Variants in STAU2 observed in about 807,000 individuals in gnomAD.
STAU2 encodes the protein staufen double-stranded RNA binding protein 2.
A neutral mutation model predicts 65.9 loss-of-function variants in STAU2; 20 were observed. The observed-to-expected ratio is 0.30, with a 90% CI of 0.21 to 0.44. The LOEUF is 0.44. STAU2 is among the 20% of genes least tolerant of loss of function. The pLI is 1.00. For missense variants in STAU2, 558 were observed against 683.9 expected, an observed-to-expected ratio of 0.82 and a Z score of 2.05; for synonymous variants, 232 against 233.9, an observed-to-expected ratio of 0.99 and a Z score of 0.07.
Position 73,649,869 on chromosome 8 carries a change from TTATATATATA to T in STAU2, c.410+23228_410+23237del, listed in dbSNP as rs55814743. Among the ~76,000 whole-genome samples the T allele has an allele frequency of 1.8e-3, 129 of 71,624 alleles. 2 individuals are homozygous for T. Among genetic ancestry groups the T allele is most frequent in the Middle Eastern group, 9.8e-3 (1 of 102 alleles). 47.0% of individuals were successfully genotyped at this position (71,624 alleles called of 152,430 possible). A position where few individuals can be genotyped will look rare whatever the true frequency, so the allele number is the denominator to read the frequency against. On this transcript the variant is annotated intron_variant, in intron 6 of 14. Coordinates refer to ENST00000524300, the MANE Select transcript of STAU2 (RefSeq NM_001164380.2). ...TAGTATATATGTCTTCTATATAATT[TTATATATATA>T]TATATATATATATATATATATATAT...
In STAU2 at chr8:73,687,340, ATATT is replaced by A. The variant is rs1167520200; in HGVS notation, c.274+1310_274+1313del. Among the ~76,000 whole-genome samples, 9 of 89,906 alleles carry A rather than the reference ATATT, an allele frequency of 1.0e-4. 1 individual carries two copies. The highest frequency in any genetic ancestry group is 1.7e-4 in the Non-Finnish European group (8 of 48,088). 59.0% of individuals were successfully genotyped at this position (89,906 alleles called of 152,430 possible). A position where few individuals can be genotyped will look rare whatever the true frequency, so the allele number is the denominator to read the frequency against. On this transcript the variant is annotated intron_variant, in intron 5 of 14. Coordinates refer to ENST00000524300, the MANE Select transcript of STAU2 (RefSeq NM_001164380.2). ...ATATTTATATTTATAAATATAATTTATATTTATAATTTATATAATATAAATATAA... is the reference window on the plus strand; with the variant it reads ...ATATTTATATTTATAAATATAATTTATATAATTTATATAATATAAATATAA...
intron 13 of STAU2, among the ~76,000 whole-genome samples, chr8:73,464,600 G>GCACA (rs770126004): frequency 0.041 from 4,141 of 101,866 alleles, 101 homozygotes; most frequent in African/African-American, 0.065. Flanking sequence ...GTGTGCACGC[G>GCACA]CACACACACA....
chr8:73,532,177 A>G (rs1463192007), intron 13 of STAU2, among the ~76,000 whole-genome samples: 2 of 152,212 alleles, frequency 1.3e-5, no homozygotes, highest in African/African-American at 2.4e-5. Context: ...TGTGGCAATA[A>G]GATTCTAAGT....
At chr8:73,653,364 G>A (rs1025468071) in intron 6 of STAU2, 2 of 152,122 alleles carry the variant, frequency 1.3e-5, no homozygotes, top group African/African-American at 2.4e-5. Flanking sequence ...ATAACTTTTA[G>A]AAATATTTCT....
At chr8:73,426,392 G>C (rs534009043) in intron 13 of STAU2, among the ~76,000 whole-genome samples, 168 of 152,240 alleles carry the variant, frequency 1.1e-3, no homozygotes, top group Non-Finnish European at 1.8e-3. Flanking sequence ...CAGTGGTATA[G>C]AGCAATAGAA....
intron 13 of STAU2, among the ~76,000 whole-genome samples, chr8:73,509,240 TGG>T (rs1313570247): frequency 7.2e-5 from 11 of 152,210 alleles, no homozygotes; most frequent in Admixed American, 6.5e-4. Context: ...ATTTCCCTGA[TGG>T]CTAATGACAT....
intron 12 of STAU2, among the ~76,000 whole-genome samples, chr8:73,554,410 G>C (rs887834138): frequency 3.9e-5 from 6 of 152,226 alleles, no homozygotes; most frequent in Non-Finnish European, 8.8e-5. Context: ...AGACTGGCCA[G>C]ACAGAAGCCA....
chr8:73,646,021 T>G (rs1197510271), intron 6 of STAU2, among the ~76,000 whole-genome samples: 2 of 151,990 alleles, frequency 1.3e-5, no homozygotes, highest in Admixed American at 6.6e-5. Flanking sequence ...CTTATCAAAA[T>G]GAAAGGCAAG....
intron 13 of STAU2, among the ~76,000 whole-genome samples, chr8:73,545,147 C>T (rs1029594395): frequency 6.6e-6 from 1 of 152,124 alleles, no homozygotes; most frequent in African/African-American, 2.4e-5. Flanking sequence ...ATTATGGAAA[C>T]CTCTTCACAA....
chr8:73,500,916 G>A (rs1821715249), intron 13 of STAU2, among the ~76,000 whole-genome samples: 1 of 151,818 alleles, frequency 6.6e-6, no homozygotes, highest in Non-Finnish European at 1.5e-5. Context: ...AAATCTTTAA[G>A]TTCTCCAATG....
At chr8:73,552,418 G>T (rs764650625) in intron 12 of STAU2, 99 bp from the exon 13 acceptor site, 51 of 1,077,942 alleles carry the variant, frequency 4.7e-5, no homozygotes, top group Non-Finnish European at 6.4e-5. Context: ...TAGTAACAAA[G>T]AAATGAGAAA....
intron 13 of STAU2, among the ~76,000 whole-genome samples, chr8:73,453,227 CA>C (rs1818892970): frequency 6.6e-6 from 1 of 152,064 alleles, no homozygotes; most frequent in East Asian, 1.9e-4. Flanking sequence ...AAGAAACAAA[CA>C]AAAGAAACAC....
At chr8:73,421,709 G>A (rs974716168) in intron 14 of STAU2, among the ~76,000 whole-genome samples, 2 of 152,174 alleles carry the variant, frequency 1.3e-5, no homozygotes, top group Admixed American at 6.5e-5. Flanking sequence ...TTTACCAAAT[G>A]TTTTCTTCTC....
intron 13 of STAU2, among the ~76,000 whole-genome samples, chr8:73,449,813 G>A (rs1373798828): frequency 6.6e-6 from 1 of 152,176 alleles, no homozygotes; most frequent in African/African-American, 2.4e-5. Flanking sequence ...TTAGGGTGGG[G>A]GTGAGGCGGG....
At position 73,741,357 on chromosome 8, in the gene STAU2, CTT is replaced by C. The variant is rs1050066104; in HGVS notation, c.-196-1491_-196-1490del. On this transcript the variant is annotated intron_variant, in intron 1 of 14. Coordinates refer to ENST00000524300, the MANE Select transcript of STAU2 (RefSeq NM_001164380.2). The stretch of plus-strand genomic sequence containing the variant: ...CATTCACCAACTTTGAAAAACTCCA[CTT>C]TGTCTTTATTAGTATACGTTGCTAA... Among the ~76,000 whole-genome samples the C allele has an allele frequency of 7.3e-5, 11 of 151,682 alleles. 1 individual carries two copies. Among genetic ancestry groups the C allele is most frequent in the Admixed American group, 2.0e-4 (3 of 15,248 alleles).
intron 3 of STAU2, among the ~76,000 whole-genome samples, chr8:73,737,565 C>CTT (rs538636180): frequency 9.3e-4 from 132 of 141,598 alleles, no homozygotes; most frequent in Non-Finnish European, 1.3e-3. Flanking sequence ...TGTTTCTTTC[C>CTT]TTTTTTTTTT....
intron 13 of STAU2, among the ~76,000 whole-genome samples, chr8:73,524,253 G>A (rs1275792560): frequency 6.6e-6 from 1 of 152,076 alleles, no homozygotes; most frequent in Non-Finnish European, 1.5e-5. Context: ...GGGGACTAGG[G>A]GTTCAAGGAA....
chr8:73,480,750 G>A lies in STAU2; in HGVS notation c.1531-58048C>T, dbSNP rs1174442045. On this transcript the variant is annotated intron_variant, in intron 13 of 14. Coordinates refer to ENST00000524300, the MANE Select transcript of STAU2 (RefSeq NM_001164380.2). The stretch of plus-strand genomic sequence containing the variant: ...CTATCAAATAAACACGAAATATGTA[G>A]GAACCAAACTGGAAGTGCAGGATGG... Among the ~76,000 whole-genome samples the A allele has an allele frequency of 1.3e-5, 2 of 152,052 alleles. 1 individual carries two copies. Among genetic ancestry groups the A allele is most frequent in the African/African-American group, 4.8e-5 (2 of 41,412 alleles).
chr8:73,469,415 T>G (rs7003439), intron 13 of STAU2, among the ~76,000 whole-genome samples: 108,226 of 150,728 alleles, frequency 0.72, 39,225 homozygotes, highest in East Asian at 0.96. Context: ...GTAACAAAGC[T>G]GCACGTTGTG....
Sources: allele counts gnomAD v4.1 joint callset (sites outside exome capture counted in the v4.1 genomes callset), GRCh38; gene constraint gnomAD v4.1.1; transcripts MANE v1.5; gene names NCBI Gene and HGNC (gene_info 2026-07-23, HGNC 2026-07-21).